HIP1: variants seen among roughly 807,000 people sequenced by gnomAD.
HIP1 encodes huntingtin-interacting protein 1.
In HIP1, 65 loss-of-function variants were observed where a neutral mutation model predicts 147.6. That is an observed-to-expected ratio of 0.44 (90% CI 0.36 to 0.54). The LOEUF is 0.54. Ranked by LOEUF, HIP1 falls within the 20% of genes least tolerant of loss-of-function variation. The probability of loss-of-function intolerance (pLI) is 0.00; values close to 1 mark genes in which losing one functional copy is unlikely to be tolerated. For synonymous variants in HIP1, 479 were observed against 504.0 expected, an observed-to-expected ratio of 0.95 and a Z score of 0.67; for missense variants, 1,061 against 1,299.6, an observed-to-expected ratio of 0.82 and a Z score of 2.82.
At chr7:75,582,743 G>C (rs1796106300) in intron 5 of HIP1, among the ~76,000 whole-genome samples, 1 of 152,092 alleles carries the variant, frequency 6.6e-6, no homozygotes, top group Non-Finnish European at 1.5e-5. Flanking sequence ...GGAGGCGGAG[G>C]TTGCAGTGAG....
chr7:75,533,848 G>A lies in HIP1; in HGVS notation c.*4324C>T, dbSNP rs1167827. The A allele has an allele frequency of 0.42, 98,186 of 235,176 alleles. 25,500 individuals are homozygous for A. The highest frequency in any genetic ancestry group is 0.96 in the East Asian group (16,121 of 16,820). The allele number at this position is 235,176 out of a possible 1,614,324, so 14.6% of individuals were successfully genotyped here. A position where few individuals can be genotyped will look rare whatever the true frequency, so the allele number is the denominator to read the frequency against. On this transcript the variant is annotated 3_prime_UTR_variant, in exon 31 of 31. Coordinates refer to ENST00000336926, the MANE Select transcript of HIP1 (RefSeq NM_005338.7). ...AAACAGCTGGCTGGTTTGCTGCGCCGATGGCTGGCAGGTCCGTGGTGGTGG... is the reference window on the plus strand; with the variant it reads ...AAACAGCTGGCTGGTTTGCTGCGCCAATGGCTGGCAGGTCCGTGGTGGTGG...
intron 1 of HIP1, among the ~76,000 whole-genome samples, chr7:75,737,439 A>C (rs1253547301): frequency 6.6e-6 from 1 of 151,952 alleles, no homozygotes; most frequent in African/African-American, 2.4e-5. Context: ...CACCTCCCAG[A>C]TTCAAGCAAT....
chr7:75,736,397 A>G (rs183245265), intron 1 of HIP1, among the ~76,000 whole-genome samples: 2 of 151,102 alleles, frequency 1.3e-5, no homozygotes, highest in East Asian at 3.9e-4. Flanking sequence ...AATAATATCT[A>G]TTTATTTTCT....
intron 5 of HIP1, among the ~76,000 whole-genome samples, chr7:75,584,909 C>T (rs188250514): frequency 6.6e-6 from 1 of 150,524 alleles, no homozygotes; most frequent in African/African-American, 2.4e-5. Flanking sequence ...AGTGCAGTGG[C>T]GCCATCTCGG....
At chr7:75,554,641 G>T in intron 19 of HIP1, 115 bp from the exon 20 acceptor site, 1 of 702,904 alleles carries the variant, frequency 1.4e-6, no homozygotes. Flanking sequence ...CTGCCTAGAC[G>T]TGAAGTTCAT....
intron 27 of HIP1, among the ~76,000 whole-genome samples, chr7:75,544,129 G>A (rs377180359): frequency 1.0e-4 from 14 of 138,468 alleles, no homozygotes; most frequent in South Asian, 5.0e-4. Flanking sequence ...CTGAGATCAC[G>A]CCACTGCACT....
chr7:75,541,128 G>A (rs2116726331), intron 29 of HIP1, among the ~76,000 whole-genome samples: 1 of 152,110 alleles, frequency 6.6e-6, no homozygotes, highest in Non-Finnish European at 1.5e-5. Flanking sequence ...AAGGGCCGGT[G>A]GCTCACGCCT....
At chr7:75,693,628 G>A (rs1554518429) in intron 1 of HIP1, among the ~76,000 whole-genome samples, 2 of 151,894 alleles carry the variant, frequency 1.3e-5, no homozygotes, top group East Asian at 1.9e-4. Flanking sequence ...TAATCCTGGC[G>A]CTTTGGGAGG....
chr7:75,565,597 G>A (rs782720044), intron 9 of HIP1, among the ~76,000 whole-genome samples: 12 of 152,268 alleles, frequency 7.9e-5, no homozygotes, highest in African/African-American at 2.9e-4. Context: ...GGTCAAGGGT[G>A]AGGAAATTAA....
intron 1 of HIP1, among the ~76,000 whole-genome samples, chr7:75,610,938 A>C (rs868938295): frequency 1.3e-5 from 2 of 149,816 alleles, no homozygotes; most frequent in Admixed American, 1.3e-4. Flanking sequence ...GTTTCACTCC[A>C]TTTGTCTCCC....
intron 1 of HIP1, among the ~76,000 whole-genome samples, chr7:75,640,646 G>C (rs939818679): frequency 6.6e-5 from 10 of 151,922 alleles, no homozygotes; most frequent in African/African-American, 2.2e-4. Context: ...CCAGCTACTC[G>C]GGAGGCTGAG....
intron 4 of HIP1, among the ~76,000 whole-genome samples, chr7:75,588,894 G>GTCC (rs1796376723): frequency 6.6e-6 from 1 of 152,166 alleles, no homozygotes. Flanking sequence ...GCTCATGCCT[G>GTCC]TAATCCTAGC....
intron 1 of HIP1, among the ~76,000 whole-genome samples, chr7:75,650,135 A>G (rs192159335): frequency 6.6e-6 from 1 of 152,116 alleles, no homozygotes; most frequent in Non-Finnish European, 1.5e-5. Flanking sequence ...GGAAGCAAAG[A>G]TCTGCCGAAT....
In HIP1 at chr7:75,593,735, C is replaced by T. The variant is rs146828690; in HGVS notation, c.185-1221G>A. ...TTGACCCCTTGGCTCCTCCTCCAGG[C>T]AGCATCTCCCAGCCCCTTTCCATTT... On this transcript the variant is annotated intron_variant, in intron 2 of 30. Coordinates refer to ENST00000336926, the MANE Select transcript of HIP1 (RefSeq NM_005338.7). Among the ~76,000 whole-genome samples the T allele has an allele frequency of 2.2e-3, 334 of 151,990 alleles. 2 individuals carry two copies. The highest frequency in any genetic ancestry group is 7.7e-3 in the African/African-American group (317 of 41,436).
At chr7:75,578,548 C>T (rs1164821451) in intron 7 of HIP1, among the ~76,000 whole-genome samples, 2 of 152,014 alleles carry the variant, frequency 1.3e-5, no homozygotes, top group East Asian at 1.9e-4. Flanking sequence ...CATGGTGGTG[C>T]GTGCCCGTAG....
rs535453632 is a variant in HIP1, at chr7:75,690,830, T to G, written c.120+47971A>C. On this transcript the variant is annotated intron_variant, in intron 1 of 30. Transcript: ENST00000336926. Reference sequence around the variant, plus strand: ...TGAGCCGAGATCGCGCCATTTGCACTCCAGCCTGGGCGACAAGAGTGAAAC... The same window carrying G: ...TGAGCCGAGATCGCGCCATTTGCACGCCAGCCTGGGCGACAAGAGTGAAAC... 7.9e-5 allele frequency among the ~76,000 whole-genome samples: 12 copies of G among 151,790 alleles called. 1 individual carries two copies. The South Asian group carries it at 8.4e-4, about 11-fold the overall frequency.
intron 1 of HIP1, among the ~76,000 whole-genome samples, chr7:75,722,486 C>A (rs75933323): frequency 1.6e-3 from 247 of 152,296 alleles, no homozygotes; most frequent in African/African-American, 5.7e-3. Context: ...AGAAGTAAGA[C>A]TTCCCGATTC....
chr7:75,660,517 ACT>A lies in HIP1; in HGVS notation c.121-61272_121-61271del, dbSNP rs548305700. On this transcript the variant is annotated intron_variant, in intron 1 of 30. Coordinates refer to ENST00000336926, the MANE Select transcript of HIP1 (RefSeq NM_005338.7). The stretch of plus-strand genomic sequence containing the variant: ...ACTCCAGCCTGGGCAACAGATTGAG[ACT>A]CTGTCTCAAAAACGAAAACACACAC... Among the ~76,000 whole-genome samples the A allele has an allele frequency of 1.4e-4, 22 of 152,116 alleles. No individual in the cohort carries two copies. The South Asian group carries it at 3.5e-3, about 24-fold the overall frequency.
At chr7:75,723,524 G>A (rs1188914060) in intron 1 of HIP1, among the ~76,000 whole-genome samples, 2 of 152,092 alleles carry the variant, frequency 1.3e-5, no homozygotes, top group African/African-American at 2.4e-5. Flanking sequence ...AGTTCATTCA[G>A]GTTGTTGGTG....
Sources: allele counts gnomAD v4.1 joint callset (sites outside exome capture counted in the v4.1 genomes callset), GRCh38; gene constraint gnomAD v4.1.1; transcripts MANE v1.5; gene names NCBI Gene and HGNC (gene_info 2026-07-23, HGNC 2026-07-21).